Variants in CHN2 observed in about 807,000 individuals in gnomAD.
CHN2 encodes the protein chimerin 2.
In CHN2, 35 loss-of-function variants were observed where a neutral mutation model predicts 56.3. The observed-to-expected ratio is 0.62, with a 90% CI of 0.47 to 0.82. CHN2 has a LOEUF of 0.82. Ranked by LOEUF, CHN2 falls within the 40% of genes least tolerant of loss-of-function variation. CHN2 has a pLI of 0.00. For synonymous variants in CHN2, 210 were observed against 212.8 expected, an observed-to-expected ratio of 0.99 and a Z score of 0.12; for missense variants, 491 against 580.5, an observed-to-expected ratio of 0.85 and a Z score of 1.58.
At chr7:29,187,382 A>G (rs969320415) in intron 2 of CHN2, among the ~76,000 whole-genome samples, 7 of 152,030 alleles carry the variant, frequency 4.6e-5, no homozygotes, top group African/African-American at 1.7e-4. Flanking sequence ...AGAGAGACAG[A>G]GAGCACTTGA....
intron 7 of CHN2, among the ~76,000 whole-genome samples, chr7:29,492,156 C>T (rs1295097161): frequency 2.0e-5 from 3 of 152,156 alleles, no homozygotes; most frequent in Non-Finnish European, 4.4e-5. Flanking sequence ...GTTAGGTTGG[C>T]AGTATTTTTG....
intron 1 of CHN2, among the ~76,000 whole-genome samples, chr7:29,337,656 G>T (rs3793286): frequency 6.6e-6 from 1 of 152,204 alleles, no homozygotes; most frequent in African/African-American, 2.4e-5. Context: ...GCATACATTT[G>T]TTCAAGCATT....
intron 1 of CHN2, among the ~76,000 whole-genome samples, chr7:29,339,115 T>C (rs1006660376): frequency 1.3e-5 from 2 of 152,224 alleles, no homozygotes; most frequent in Non-Finnish European, 1.5e-5. Context: ...GAAATGATGT[T>C]AATCAGGGAT....
Position 29,476,377 on chromosome 7 carries a change from A to C in CHN2, c.577-3902A>C, listed in dbSNP as rs922647597. Reference sequence around the variant, plus strand: ...CATGGTGAAACCCCATCTCTACTAAAAATACAAAAATTTGCCAGGCACAGT... The same window carrying C: ...CATGGTGAAACCCCATCTCTACTAACAATACAAAAATTTGCCAGGCACAGT... On this transcript the variant is annotated intron_variant, in intron 6 of 12. Coordinates refer to ENST00000222792, the MANE Select transcript of CHN2 (RefSeq NM_004067.4). 2.6e-5 allele frequency among the ~76,000 whole-genome samples: 4 copies of C among 152,136 alleles called. 1 individual carries two copies. In the South Asian group the frequency reaches 8.3e-4, roughly 32 times the overall value.
chr7:29,421,038 C>T (rs962928323), intron 6 of CHN2, among the ~76,000 whole-genome samples: 21 of 152,196 alleles, frequency 1.4e-4, no homozygotes, highest in Admixed American at 1.4e-3. Flanking sequence ...GGTGATCCAC[C>T]CGGCTCAGCC....
At chr7:29,437,522 T>C (rs1047790979) in intron 6 of CHN2, among the ~76,000 whole-genome samples, 13 of 86,150 alleles carry the variant, frequency 1.5e-4, no homozygotes, top group East Asian at 9.4e-4. Context: ...GGCATGAACC[T>C]GGGAGGCGGA....
chr7:29,291,197 G>A (rs186222915), intron 1 of CHN2, among the ~76,000 whole-genome samples: 3 of 152,160 alleles, frequency 2.0e-5, no homozygotes, highest in Admixed American at 6.5e-5. Flanking sequence ...CTCTTAGTGC[G>A]CATGCTTGGG....
chr7:29,240,545 G>C lies in CHN2; in HGVS notation c.49+45555G>C, dbSNP rs1787573817. On this transcript the variant is annotated intron_variant, in intron 1 of 12. Transcript: ENST00000222792. ...ACAATTATTTATTGAATACCTGCTAGGGACCAGTTATTTTACTATGTGCTG... is the reference window on the plus strand; with the variant it reads ...ACAATTATTTATTGAATACCTGCTACGGACCAGTTATTTTACTATGTGCTG... Among the ~76,000 whole-genome samples, 3 of 152,298 alleles carry C rather than the reference G, an allele frequency of 2.0e-5. 1 individual carries two copies. The South Asian group carries it at 6.2e-4, about 32-fold the overall frequency.
intron 1 of CHN2, among the ~76,000 whole-genome samples, chr7:29,281,945 TGGGTGGTGGGAACACTCAG>T (rs1562887902): frequency 6.6e-6 from 1 of 152,298 alleles, no homozygotes; most frequent in East Asian, 1.9e-4. Flanking sequence ...GCCTCGGCAC[TGGGTGGTGGGAACACTCAG>T]GACTCCCTCC....
At chr7:29,367,544 G>A (rs927606747) in intron 2 of CHN2, among the ~76,000 whole-genome samples, 1 of 152,004 alleles carries the variant, frequency 6.6e-6, no homozygotes, top group Non-Finnish European at 1.5e-5. Flanking sequence ...AAGAGACATC[G>A]GCATTTAAAT....
chr7:29,334,086 C>T (rs1796433628), intron 1 of CHN2, among the ~76,000 whole-genome samples: 1 of 141,328 alleles, frequency 7.1e-6, no homozygotes, highest in Non-Finnish European at 1.5e-5. Context: ...GAGTCTCCCT[C>T]CATTGCCCAG....
intron 1 of CHN2, among the ~76,000 whole-genome samples, chr7:29,242,301 G>A (rs557458795): frequency 6.6e-6 from 1 of 152,322 alleles, no homozygotes; most frequent in African/African-American, 2.4e-5. Context: ...CTGTGCTGCT[G>A]TGTCTGTATA....
intron 4 of CHN2, among the ~76,000 whole-genome samples, chr7:29,396,070 ATAAT>A (rs1471567459): frequency 6.6e-6 from 1 of 152,200 alleles, no homozygotes; most frequent in African/African-American, 2.4e-5. Flanking sequence ...AATATGTACA[ATAAT>A]TATATATCAA....
At chr7:29,343,776 C>T (rs1797225292) in intron 1 of CHN2, among the ~76,000 whole-genome samples, 1 of 151,958 alleles carries the variant, frequency 6.6e-6, no homozygotes, top group Non-Finnish European at 1.5e-5. Context: ...TCTCATGTTC[C>T]CCCTGTGTCA....
chr7:29,464,197 T>A (rs1298824973), intron 6 of CHN2, among the ~76,000 whole-genome samples: 1 of 152,214 alleles, frequency 6.6e-6, no homozygotes, highest in Non-Finnish European at 1.5e-5. Flanking sequence ...CTAGAAACTA[T>A]GTGTATTGCC....
chr7:29,436,472 C>T (rs1269229384), intron 6 of CHN2, among the ~76,000 whole-genome samples: 1 of 152,252 alleles, frequency 6.6e-6, no homozygotes, highest in Admixed American at 6.5e-5. Context: ...GCTCAACAAG[C>T]ATTTGTTAAG....
chr7:29,230,973 C>T (rs1786652149), intron 1 of CHN2, among the ~76,000 whole-genome samples: 1 of 152,144 alleles, frequency 6.6e-6, no homozygotes, highest in Non-Finnish European at 1.5e-5. Flanking sequence ...TTGTATTAGG[C>T]CCGTTTTGCA....
chr7:29,420,634 C>G (rs993220740), intron 6 of CHN2, among the ~76,000 whole-genome samples: 1 of 152,120 alleles, frequency 6.6e-6, no homozygotes. Flanking sequence ...GAATGGTTGT[C>G]AAGGGCTGAG....
intron 6 of CHN2, among the ~76,000 whole-genome samples, chr7:29,429,983 C>G (rs1012786460): frequency 6.6e-6 from 1 of 152,140 alleles, no homozygotes. Flanking sequence ...GCACGCTGTT[C>G]CAAGGAGAAA....
Sources: gnomAD v4.1 joint callset for allele counts (sites outside exome capture counted in the v4.1 genomes callset) on GRCh38, gnomAD v4.1.1 for gene constraint, MANE v1.5 for transcripts, NCBI Gene and HGNC (gene_info 2026-07-23, HGNC 2026-07-21) for gene names.